Variants in CAMTA1 observed in about 807,000 individuals in gnomAD.
CAMTA1 encodes calmodulin-binding transcription activator 1.
CAMTA1 carries 27 observed loss-of-function variants against 170.9 expected under a neutral mutation model. That is an observed-to-expected ratio of 0.16 (90% CI 0.12 to 0.22). The LOEUF is 0.22. Among genes scored for constraint, CAMTA1 ranks in the 10% least tolerant of loss-of-function variants. The pLI is 1.00. For missense variants in CAMTA1, 1,619 were observed against 2,217.2 expected (o/e 0.73, Z 5.42); for synonymous variants, 833 against 891.5 (o/e 0.93, Z 1.17).
intron 4 of CAMTA1, among the ~76,000 whole-genome samples, chr1:7,233,826 C>G (rs774071859): frequency 2.0e-5 from 3 of 152,192 alleles, no homozygotes; most frequent in Non-Finnish European, 4.4e-5. Flanking sequence ...TTTTGGCTGA[C>G]TTTTACTCTC....
rs530218919 is a variant in CAMTA1 at position 6,999,439 on chromosome 1, G to A, written c.235-91865G>A. Among the ~76,000 whole-genome samples, 82 of 152,222 alleles carry A rather than the reference G, an allele frequency of 5.4e-4. 3 individuals carry two copies. In the South Asian group the frequency reaches 0.015, roughly 29 times the overall value. On this transcript the variant is annotated intron_variant, in intron 3 of 22. Transcript: ENST00000303635. ...CACTCTGTTGCCCAGGCTGGAGTGCGGTGGTGCCATCTTGGCTCACTGCAA... is the reference window on the plus strand; with the variant it reads ...CACTCTGTTGCCCAGGCTGGAGTGCAGTGGTGCCATCTTGGCTCACTGCAA...
rs528913649 is a variant in CAMTA1 at position 6,802,754 on chromosome 1, A to T, written c.45+17179A>T. Among the ~76,000 whole-genome samples, 17 of 147,470 alleles carry T rather than the reference A, an allele frequency of 1.2e-4. No homozygotes were observed. In the South Asian group the frequency reaches 3.6e-3, roughly 31 times the overall value. On this transcript the variant is annotated intron_variant, in intron 1 of 22. Coordinates refer to ENST00000303635, the MANE Select transcript of CAMTA1 (RefSeq NM_015215.4). Reference sequence around the variant, plus strand: ...TCTCTCTCTCTCTTTTTTTTTTTTGAGACAAGGTCTTATTCTGTCGCCCAG... The same window carrying T: ...TCTCTCTCTCTCTTTTTTTTTTTTGTGACAAGGTCTTATTCTGTCGCCCAG...
chr1:7,229,745 A>G (rs1662379200), intron 4 of CAMTA1, among the ~76,000 whole-genome samples: 1 of 152,068 alleles, frequency 6.6e-6, no homozygotes, highest in Non-Finnish European at 1.5e-5. Flanking sequence ...TCCTTCATGA[A>G]GAACTCAATT....
At chr1:6,810,490 T>A (rs552235025) in intron 1 of CAMTA1, among the ~76,000 whole-genome samples, 1 of 152,168 alleles carries the variant, frequency 6.6e-6, no homozygotes, top group East Asian at 1.9e-4. Context: ...CAGCCCACAC[T>A]CCGGGGGAGG....
intron 10 of CAMTA1, chr1:7,672,218 G>T (rs2096066540): frequency 5.3e-6 from 2 of 380,146 alleles, no homozygotes; most frequent in African/African-American, 2.1e-5. Flanking sequence ...GAGGAGGAAA[G>T]GTACGGGGTG....
chr1:7,733,021 C>T (rs1178993028), intron 12 of CAMTA1, among the ~76,000 whole-genome samples: 1 of 152,012 alleles, frequency 6.6e-6, no homozygotes, highest in African/African-American at 2.4e-5. Flanking sequence ...TACTGAGACC[C>T]TGTCTCTATA....
intron 5 of CAMTA1, among the ~76,000 whole-genome samples, chr1:7,260,117 A>G (rs1667957601): frequency 6.6e-6 from 1 of 152,212 alleles, no homozygotes; most frequent in Non-Finnish European, 1.5e-5. Context: ...GGCAATAGTC[A>G]AGGAATGGGC....
chr1:7,486,600 AG>A (rs1450299754), intron 6 of CAMTA1, among the ~76,000 whole-genome samples: 3 of 152,182 alleles, frequency 2.0e-5, no homozygotes, highest in Non-Finnish European at 4.4e-5. Context: ...CCTGACTTCC[AG>A]GGTGGTCTCT....
chr1:7,616,861 G>A (rs994883941), intron 6 of CAMTA1, among the ~76,000 whole-genome samples: 4 of 152,230 alleles, frequency 2.6e-5, no homozygotes, highest in African/African-American at 7.2e-5. Context: ...ACAGCAGGGA[G>A]ATAAATGGAG....
chr1:6,941,403 A>G (rs1686591029), intron 3 of CAMTA1, among the ~76,000 whole-genome samples: 1 of 152,134 alleles, frequency 6.6e-6, no homozygotes, highest in African/African-American at 2.4e-5. Context: ...CTCAGAGGCC[A>G]GGCACTGGGG....
At chr1:6,808,671 T>TG (rs1644813115) in intron 1 of CAMTA1, among the ~76,000 whole-genome samples, 1 of 152,224 alleles carries the variant, frequency 6.6e-6, no homozygotes, top group African/African-American at 2.4e-5. Flanking sequence ...CTCAATTAGA[T>TG]GTGCATTTCT....
chr1:7,172,613 G>A (rs1394931621), intron 4 of CAMTA1, among the ~76,000 whole-genome samples: 1 of 152,212 alleles, frequency 6.6e-6, no homozygotes, highest in Non-Finnish European at 1.5e-5. Flanking sequence ...ACACACATCT[G>A]ATGAGGGATG....
At chr1:7,094,187 C>T (rs894216242) in intron 4 of CAMTA1, among the ~76,000 whole-genome samples, 4 of 152,126 alleles carry the variant, frequency 2.6e-5, no homozygotes, top group African/African-American at 7.2e-5. Context: ...CTTCTTGTCC[C>T]AGGAGAAGCA....
rs577050856 is a variant in CAMTA1 at position 7,405,272 on chromosome 1, G to T, written c.439-62558G>T. Among the ~76,000 whole-genome samples the T allele has an allele frequency of 9.2e-5, 14 of 152,258 alleles. No homozygotes were observed. In the South Asian group the frequency reaches 2.7e-3, roughly 29 times the overall value. ...CCTAAAAGCGCATCTTGAAGGCCTA[G>T]TGTCACCTCCTCCAGGACTTCCTTG... On this transcript the variant is annotated intron_variant, in intron 5 of 22. Transcript: ENST00000303635.
intron 3 of CAMTA1, among the ~76,000 whole-genome samples, chr1:7,047,770 A>G (rs1465872530): frequency 2.1e-5 from 3 of 145,572 alleles, no homozygotes; most frequent in African/African-American, 7.8e-5. Flanking sequence ...TGAAGCTGAT[A>G]AGTGCAGCTT....
chr1:7,009,644 G>T (rs989037289), intron 3 of CAMTA1, among the ~76,000 whole-genome samples: 5 of 152,216 alleles, frequency 3.3e-5, no homozygotes, highest in Non-Finnish European at 5.9e-5. Context: ...CAGGAAGCTC[G>T]GGGGCGAGTG....
chr1:7,388,950 C>T (rs909894870), intron 5 of CAMTA1, among the ~76,000 whole-genome samples: 2 of 152,218 alleles, frequency 1.3e-5, no homozygotes, highest in Non-Finnish European at 2.9e-5. Flanking sequence ...AGCTTCCTGC[C>T]GGACTGGGGC....
intron 5 of CAMTA1, among the ~76,000 whole-genome samples, chr1:7,364,004 G>A (rs186771268): frequency 6.6e-6 from 1 of 152,334 alleles, no homozygotes; most frequent in Admixed American, 6.5e-5. Context: ...TCAGCTTACA[G>A]AGAGGGACTG....
At chr1:6,794,893 T>TG (rs199616912) in intron 1 of CAMTA1, among the ~76,000 whole-genome samples, 4,359 of 150,320 alleles carry the variant, frequency 0.029, 66 homozygotes, top group Middle Eastern at 0.052. Context: ...TTTTTTTGTT[T>TG]TTTTTGTTTT....
Sources: gnomAD v4.1 joint callset for allele counts (sites outside exome capture counted in the v4.1 genomes callset) on GRCh38, gnomAD v4.1.1 for gene constraint, MANE v1.5 for transcripts, NCBI Gene and HGNC (gene_info 2026-07-23, HGNC 2026-07-21) for gene names.